Variants in CDIN1 observed in about 807,000 individuals in gnomAD.
CDIN1 encodes CDAN1-interacting nuclease 1.
CDIN1 carries 33 observed loss-of-function variants against 45.3 expected under a neutral mutation model. The ratio of observed to expected loss-of-function variants is 0.73; its 90% CI spans 0.55 to 0.97. The LOEUF is 0.97. Ranked by LOEUF, CDIN1 falls within the 50% of genes least tolerant of loss-of-function variation. The pLI is 0.00. For missense variants in CDIN1, 303 were observed against 339.4 expected, an observed-to-expected ratio of 0.89 and a Z score of 0.84; for synonymous variants, 118 against 124.4, an observed-to-expected ratio of 0.95 and a Z score of 0.34.
At chr15:36,606,753 T>G (rs1462353234) in intron 1 of CDIN1, among the ~76,000 whole-genome samples, 1 of 152,202 alleles carries the variant, frequency 6.6e-6, no homozygotes, top group African/African-American at 2.4e-5. Context: ...AATCCTCTGT[T>G]TATAGAAGTC....
intron 10 of CDIN1, among the ~76,000 whole-genome samples, chr15:36,758,208 AG>A (rs1404000706): frequency 6.6e-6 from 1 of 152,146 alleles, no homozygotes; most frequent in Non-Finnish European, 1.5e-5. Context: ...TACTAATCTC[AG>A]AGCAGGCTAG....
chr15:36,607,719 C>T (rs1337441095), intron 1 of CDIN1, among the ~76,000 whole-genome samples: 3 of 152,138 alleles, frequency 2.0e-5, no homozygotes, highest in Non-Finnish European at 4.4e-5. Flanking sequence ...ATGCAATTCA[C>T]ATACTGCAAC....
At chr15:36,628,194 C>T (rs535243438) in intron 1 of CDIN1, among the ~76,000 whole-genome samples, 5 of 152,172 alleles carry the variant, frequency 3.3e-5, no homozygotes, top group South Asian at 4.2e-4. Context: ...CTAAAAATTC[C>T]GTTAGCCCTT....
At chr15:36,633,412 A>C (rs1232941988) in intron 1 of CDIN1, among the ~76,000 whole-genome samples, 1 of 152,056 alleles carries the variant, frequency 6.6e-6, no homozygotes, top group Non-Finnish European at 1.5e-5. Flanking sequence ...TACCACATCC[A>C]TATATATATT....
chr15:36,630,435 CCAAT>C (rs1238747999), intron 1 of CDIN1, among the ~76,000 whole-genome samples: 1 of 152,118 alleles, frequency 6.6e-6, no homozygotes, highest in East Asian at 1.9e-4. Context: ...AAAGAAGTTA[CCAAT>C]CAGTTTACAG....
At chr15:36,592,016 T>G (rs536389868) in intron 1 of CDIN1, 3 of 152,270 alleles carry the variant, frequency 2.0e-5, no homozygotes, top group South Asian at 2.1e-4. Context: ...TCCAGTGCCA[T>G]GCAGGAATGT....
At chr15:36,787,977 A>G (rs2054534153) in intron 10 of CDIN1, among the ~76,000 whole-genome samples, 1 of 150,090 alleles carries the variant, frequency 6.7e-6, no homozygotes, top group Non-Finnish European at 1.5e-5. Flanking sequence ...TGTACAACTC[A>G]CAATTGTGAA....
intron 1 of CDIN1, among the ~76,000 whole-genome samples, chr15:36,604,898 T>C (rs2038289348): frequency 6.6e-6 from 1 of 152,162 alleles, no homozygotes; most frequent in Admixed American, 6.5e-5. Flanking sequence ...CAAAGAATTG[T>C]GTTTTCTGAC....
intron 10 of CDIN1, among the ~76,000 whole-genome samples, chr15:36,800,909 G>GTGTGTATGTATATATATATA (rs1156514805): frequency 4.5e-5 from 1 of 22,390 alleles, no homozygotes; most frequent in South Asian, 4.3e-3. Flanking sequence ...GTGTGTGTGT[G>GTGTGTATGTATATATATATA]TATATATATA....
At chr15:36,618,876 G>A in intron 1 of CDIN1, 1 of 1,061,874 alleles carries the variant, frequency 9.4e-7, no homozygotes, top group Non-Finnish European at 1.5e-6. Context: ...TGGAGGGCAA[G>A]TACTGCCTCA....
chr15:36,686,208 C>T (rs962256941), intron 5 of CDIN1, among the ~76,000 whole-genome samples: 1 of 151,776 alleles, frequency 6.6e-6, no homozygotes, highest in Non-Finnish European at 1.5e-5. Flanking sequence ...GGCACATATA[C>T]ACCATGGAAT....
intron 8 of CDIN1, among the ~76,000 whole-genome samples, chr15:36,700,908 T>C (rs1264479518): frequency 6.6e-6 from 1 of 151,952 alleles, no homozygotes; most frequent in East Asian, 1.9e-4. Flanking sequence ...ATCTTGTCTC[T>C]ACACAAAATT....
At chr15:36,721,720 A>G (rs1206325782) in intron 10 of CDIN1, among the ~76,000 whole-genome samples, 1 of 151,954 alleles carries the variant, frequency 6.6e-6, no homozygotes, top group Non-Finnish European at 1.5e-5. Flanking sequence ...ATATGCACTT[A>G]TCAGAACTCT....
intron 1 of CDIN1, among the ~76,000 whole-genome samples, chr15:36,594,540 A>T (rs537977906): frequency 1.3e-5 from 2 of 152,364 alleles, no homozygotes; most frequent in African/African-American, 4.8e-5. Flanking sequence ...CTGTATTACA[A>T]TGGCACAATA....
chr15:36,672,771 C>A (rs1261030609), intron 5 of CDIN1, among the ~76,000 whole-genome samples: 2 of 150,426 alleles, frequency 1.3e-5, no homozygotes, highest in African/African-American at 4.9e-5. Flanking sequence ...TAGGGTTGAT[C>A]AGCGCCGAAT....
rs2044407826 is a variant in CDIN1, at chr15:36,745,917, GA to G, written c.716+35957del. On this transcript the variant is annotated intron_variant, in intron 10 of 10. Coordinates refer to ENST00000566621, the MANE Select transcript of CDIN1 (RefSeq NM_001321759.2). The stretch of plus-strand genomic sequence containing the variant: ...GGAGTTAGAGGTTGCAATGAGCCGA[GA>G]TCACGCCATTGCACTCCAGCCTGGG... Among the ~76,000 whole-genome samples the G allele has an allele frequency of 2.6e-5, 4 of 152,096 alleles. No homozygotes were observed. The South Asian group carries it at 8.3e-4, about 32-fold the overall frequency.
chr15:36,702,111 G>A (rs2140783220), intron 8 of CDIN1: 1 of 702,128 alleles, frequency 1.4e-6, no homozygotes, highest in Non-Finnish European at 2.6e-6. Flanking sequence ...ACCAGAAATG[G>A]AACATACGAT....
In CDIN1 at chr15:36,579,806, T is replaced by G; in HGVS notation, c.-55T>G. ...CTCATCCCTCGGCACCAAGGCTACT[T>G]GAGCCCCAGGGTGTTTTTTCCTTGT... On this transcript the variant is annotated 5_prime_UTR_variant, in exon 1 of 11. Transcript: ENST00000566621. The G allele has an allele frequency of 6.9e-7, 1 of 1,449,818 alleles. No homozygotes were observed. Among genetic ancestry groups the G allele is most frequent in the Non-Finnish European group, 9.5e-7 (1 of 1,054,384 alleles). The allele number at this position is 1,449,818 out of a possible 1,614,324, so 89.8% of individuals were successfully genotyped here.
chr15:36,715,753 G>A (rs2043195730), intron 10 of CDIN1, among the ~76,000 whole-genome samples: 2 of 152,162 alleles, frequency 1.3e-5, no homozygotes, highest in South Asian at 4.1e-4. Context: ...AGTTGATTGT[G>A]AGATATTGAT....
Sources: gnomAD v4.1 joint callset for allele counts (sites outside exome capture counted in the v4.1 genomes callset) on GRCh38, gnomAD v4.1.1 for gene constraint, MANE v1.5 for transcripts, NCBI Gene and HGNC (gene_info 2026-07-23, HGNC 2026-07-21) for gene names.